The following RAD54B variants were observed in gnomAD, a reference collection of about 807,000 sequenced individuals.
RAD54B encodes RAD54 homolog B.
RAD54B carries 78 observed loss-of-function variants against 95.8 expected under a neutral mutation model. The ratio of observed to expected loss-of-function variants is 0.81; its 90% confidence interval spans 0.68 to 0.98. RAD54B has a LOEUF of 0.98. RAD54B is among the 50% of genes least tolerant of loss of function. The pLI, the probability that RAD54B is intolerant of heterozygous loss-of-function variation, is 0.00. For synonymous variants in RAD54B, 328 were observed against 354.9 expected (o/e 0.92, Z 0.85); for missense variants, 957 against 1,056.6 (o/e 0.91, Z 1.31).
rs956754468 is a variant in RAD54B at position 94,453,091 on chromosome 8, A to C, written c.304+5177T>G. Among the ~76,000 whole-genome samples, 4 of 152,312 alleles carry C rather than the reference A, an allele frequency of 2.6e-5. No homozygotes were observed. In the East Asian group the frequency reaches 7.7e-4, roughly 29 times the overall value. On this transcript the variant is annotated intron_variant, in intron 3 of 14. Transcript: ENST00000336148. ...CCTACTCCAAGGTATTTATGAACATAGTCTCCTATATGTATATATTATATA... is the reference window on the plus strand; with the variant it reads ...CCTACTCCAAGGTATTTATGAACATCGTCTCCTATATGTATATATTATATA...
intron 2 of RAD54B, among the ~76,000 whole-genome samples, chr8:94,459,843 G>A (rs1812863011): frequency 6.8e-6 from 1 of 147,950 alleles, no homozygotes; most frequent in South Asian, 2.2e-4. Context: ...CTGGGCGACA[G>A]AACAAGACCC....
At chr8:94,449,040 ACATG>A (rs930483861) in intron 3 of RAD54B, among the ~76,000 whole-genome samples, 63 of 107,664 alleles carry the variant, frequency 5.9e-4, no homozygotes, top group Non-Finnish European at 1.0e-3. Context: ...ATACATACAC[ACATG>A]CATGCACACA....
intron 3 of RAD54B, among the ~76,000 whole-genome samples, chr8:94,433,215 A>G (rs564574476): frequency 3.3e-5 from 5 of 152,292 alleles, no homozygotes; most frequent in African/African-American, 1.2e-4. Context: ...GATATGCTCA[A>G]CTACTGGAGG....
Position 94,399,579 on chromosome 8 carries a change from C to A in RAD54B, c.1213G>T (p.Val405Phe). 1 of 1,612,210 alleles carries A rather than the reference C, an allele frequency of 6.2e-7. No individual in the cohort carries two copies. The highest frequency in any genetic ancestry group is 1.1e-5 in the South Asian group (1 of 91,012). The change falls in exon 8 of 15, where the codon GTT (valine) becomes TTT (phenylalanine). Residue 405 changes from valine (V) to phenylalanine (F), a missense_variant. Physicochemically the swap from Val to Phe is conservative, Grantham distance 50. Coordinates refer to ENST00000336148, the MANE Select transcript of RAD54B (RefSeq NM_012415.3). ...AACATTTCATAACTGATAATAAGAACAGAATAAAATATAGACTTGATGAAT... is the reference window on the plus strand; with the variant it reads ...AACATTTCATAACTGATAATAAGAAAAGAATAAAATATAGACTTGATGAAT... Reference protein sequence around the residue: ...EEFIKSIFYSVLIISYEMLLR... With the variant: ...EEFIKSIFYSFLIISYEMLLR...
At chr8:94,384,475 C>G (rs28619556) in intron 11 of RAD54B, among the ~76,000 whole-genome samples, 1,889 of 151,880 alleles carry the variant, frequency 0.012, 47 homozygotes, top group African/African-American at 0.044. Context: ...GAAGGGTAGT[C>G]CAGGTGTTAA....
intron 2 of RAD54B, among the ~76,000 whole-genome samples, chr8:94,461,550 T>A (rs1812905487): frequency 6.6e-6 from 1 of 152,208 alleles, no homozygotes; most frequent in Non-Finnish European, 1.5e-5. Flanking sequence ...TTATATTTTT[T>A]ATATCTGATC....
chr8:94,441,668 T>C (rs1481024111), intron 3 of RAD54B, among the ~76,000 whole-genome samples: 3 of 152,136 alleles, frequency 2.0e-5, no homozygotes, highest in Non-Finnish European at 4.4e-5. Context: ...TGGCCACTGG[T>C]AATCAATTTA....
At chr8:94,411,077 CTAA>C in intron 4 of RAD54B, 41 bp downstream of exon 4, 1 of 1,443,390 alleles carries the variant, frequency 6.9e-7, no homozygotes, top group Non-Finnish European at 9.5e-7. Flanking sequence ...GAGATACATA[CTAA>C]TTTCAGGCCA....
chr8:94,421,084 T>C (rs1358141543), intron 3 of RAD54B, among the ~76,000 whole-genome samples: 1 of 152,120 alleles, frequency 6.6e-6, no homozygotes, highest in Non-Finnish European at 1.5e-5. Context: ...ACACTGCCTC[T>C]GCTTCTTCAA....
At chr8:94,437,400 G>A (rs757725604) in intron 3 of RAD54B, among the ~76,000 whole-genome samples, 1 of 152,192 alleles carries the variant, frequency 6.6e-6, no homozygotes, top group Non-Finnish European at 1.5e-5. Flanking sequence ...TTTCTGAGCT[G>A]AGTGTTCTCC....
chr8:94,391,802 A>T lies in RAD54B; in HGVS notation c.1616T>A (p.Leu539His), dbSNP rs777193156. The change falls in exon 10 of 15, where the codon CTC becomes CAC. Residue 539 changes from leucine to histidine, a missense_variant. Transcript: ENST00000336148. ...RRTQEIINKY[L>H]PPKIENVVFC... ...GACAACATTCTCTATTTTAGGTGGG[A>T]GATATTTATTTATAATTTCTTGGGT... 2.5e-6 allele frequency: 4 copies of T among 1,613,990 alleles called. No homozygotes were observed. In the South Asian group the frequency reaches 4.4e-5, roughly 18 times the overall value.
intron 14 of RAD54B, among the ~76,000 whole-genome samples, chr8:94,376,166 C>T (rs547304757): frequency 6.6e-6 from 1 of 152,086 alleles, no homozygotes; most frequent in African/African-American, 2.4e-5. Flanking sequence ...AATGACCACA[C>T]ACTAGACCAT....
chr8:94,432,194 A>G (rs1264929597), intron 3 of RAD54B: 1 of 1,550,040 alleles, frequency 6.5e-7, no homozygotes, highest in African/African-American at 1.4e-5. Flanking sequence ...TCTCCACTTC[A>G]ATTTTTGCTC....
At position 94,399,591 on chromosome 8, in the gene RAD54B, TAG is replaced by T; in HGVS notation, c.1199_1200del (p.Ser400TyrfsTer11). 1 of 1,611,170 alleles carries T rather than the reference TAG, an allele frequency of 6.2e-7. No homozygotes were observed. Among genetic ancestry groups the T allele is most frequent in the Non-Finnish European group, 8.5e-7 (1 of 1,179,100 alleles). On this transcript the variant is annotated frameshift_variant, in exon 8 of 15. Coordinates refer to ENST00000336148, the MANE Select transcript of RAD54B (RefSeq NM_012415.3). LOFTEE classifies it high-confidence loss of function. Reference sequence around the variant, plus strand: ...CTGATAATAAGAACAGAATAAAATATAGACTTGATGAATTCTTCAACTTTGTG... The same window carrying T: ...CTGATAATAAGAACAGAATAAAATATACTTGATGAATTCTTCAACTTTGTG... ...QDHKVEEFIKSIFYSVLIISY... is the reference protein window; with the variant it reads ...QDHKVEEFIKXIFYSVLIISY...
In RAD54B at chr8:94,409,694, G is replaced by A. The variant is rs554170362; in HGVS notation, c.499+1427C>T. Among the ~76,000 whole-genome samples, 56 of 152,182 alleles carry A rather than the reference G, an allele frequency of 3.7e-4. No individual in the cohort carries two copies. The South Asian group carries it at 0.011, about 31-fold the overall frequency. On this transcript the variant is annotated intron_variant, in intron 4 of 14. Transcript: ENST00000336148. ...CACCTCAGATGATTCTACTGGCATG[G>A]TCAGGGTAAAAACCCACTGTTTTAA...
intron 14 of RAD54B, among the ~76,000 whole-genome samples, chr8:94,372,812 C>A (rs977024816): frequency 1.3e-5 from 2 of 151,944 alleles, no homozygotes; most frequent in Non-Finnish European, 2.9e-5. Flanking sequence ...AATAGTCTTA[C>A]AAAATGGGTT....
chr8:94,382,101 A>C (rs577969547), intron 11 of RAD54B, among the ~76,000 whole-genome samples: 2 of 145,020 alleles, frequency 1.4e-5, no homozygotes, highest in Non-Finnish European at 3.0e-5. Context: ...GCGACAGAGC[A>C]AGACTCCCTC....
chr8:94,389,590 T>C (rs181255148), intron 10 of RAD54B, among the ~76,000 whole-genome samples: 5 of 152,342 alleles, frequency 3.3e-5, no homozygotes, highest in African/African-American at 1.2e-4. Flanking sequence ...TTATGAGTTA[T>C]GATATTGTTA....
intron 3 of RAD54B, 80 bp from the exon 4 acceptor site, chr8:94,411,395 G>A: frequency 8.4e-6 from 9 of 1,074,288 alleles, no homozygotes; most frequent in South Asian, 3.9e-5. Context: ...AAAACCAAAA[G>A]GCACAAGAAA....
Sources: allele counts gnomAD v4.1 joint callset (sites outside exome capture counted in the v4.1 genomes callset), GRCh38; gene constraint gnomAD v4.1.1; transcripts MANE v1.5; gene names NCBI Gene and HGNC (gene_info 2026-07-23, HGNC 2026-07-21).